SNX8: variants seen among roughly 807,000 people sequenced by gnomAD.
SNX8 encodes sorting nexin-8.
In SNX8, 25 loss-of-function variants were observed where a neutral mutation model predicts 51.6. That is an observed-to-expected ratio of 0.48 (90% CI 0.35 to 0.68). The LOEUF is 0.68. Among genes scored for constraint, SNX8 ranks in the 30% least tolerant of loss-of-function variants. SNX8 has a pLI of 0.00. For missense variants in SNX8, 695 were observed against 624.0 expected, an observed-to-expected ratio of 1.11 and a Z score of -1.21; for synonymous variants, 324 against 277.0, an observed-to-expected ratio of 1.17 and a Z score of -1.68.
chr7:2,276,936 C>A (rs1795794118), intron 2 of SNX8, among the ~76,000 whole-genome samples: 1 of 152,202 alleles, frequency 6.6e-6, no homozygotes, highest in Non-Finnish European at 1.5e-5. Flanking sequence ...CAGAGCAATA[C>A]CCTGTCTCTT....
chr7:2,309,911 G>C (rs1256976382), intron 1 of SNX8: 2 of 469,782 alleles, frequency 4.3e-6, no homozygotes, highest in African/African-American at 4.0e-5. Context: ...GGAGCCCCGA[G>C]GGTCAGCAAA....
At chr7:2,335,392 T>C (rs1325553397) in intron 1 of SNX8, among the ~76,000 whole-genome samples, 9 of 152,026 alleles carry the variant, frequency 5.9e-5, no homozygotes, top group South Asian at 2.1e-4. Flanking sequence ...CTCACGCCTG[T>C]AATCCCAGCA....
intron 1 of SNX8, among the ~76,000 whole-genome samples, chr7:2,305,495 C>G (rs1167129412): frequency 6.6e-6 from 1 of 152,000 alleles, no homozygotes; most frequent in African/African-American, 2.4e-5. Flanking sequence ...TCCCAAGTAG[C>G]TGGGATTACA....
intron 7 of SNX8, 61 bp from the exon 8 acceptor site, chr7:2,257,864 A>G (rs1795231002): frequency 6.7e-7 from 1 of 1,503,724 alleles, no homozygotes; most frequent in Non-Finnish European, 9.2e-7. Flanking sequence ...CCTGCCCGGG[A>G]ACTCAGACCC....
intron 5 of SNX8, among the ~76,000 whole-genome samples, chr7:2,268,474 C>A (rs1252755370): frequency 1.4e-5 from 2 of 142,706 alleles, no homozygotes; most frequent in Non-Finnish European, 3.1e-5. Context: ...CCCCGCCCGG[C>A]CAGCCGCCCC....
intron 1 of SNX8, among the ~76,000 whole-genome samples, chr7:2,351,868 AAAC>A (rs1280247794): frequency 6.6e-6 from 1 of 150,866 alleles, no homozygotes; most frequent in African/African-American, 2.4e-5. Flanking sequence ...ATAATAATAA[AAAC>A]AAAAAATCGA....
intron 7 of SNX8, among the ~76,000 whole-genome samples, chr7:2,262,632 G>A (rs955709048): frequency 6.6e-6 from 1 of 152,214 alleles, no homozygotes; most frequent in Non-Finnish European, 1.5e-5. Flanking sequence ...ATGCCTGGAA[G>A]CCCAAGATCA....
intron 1 of SNX8, among the ~76,000 whole-genome samples, chr7:2,349,547 C>A (rs751359661): frequency 6.6e-6 from 1 of 151,238 alleles, no homozygotes; most frequent in East Asian, 2.0e-4. Context: ...CATGTTCAAG[C>A]GATTCTCCTG....
chr7:2,321,817 A>C (rs12699833), intron 1 of SNX8, among the ~76,000 whole-genome samples: 2 of 148,850 alleles, frequency 1.3e-5, no homozygotes, highest in African/African-American at 5.0e-5. Context: ...TCTGCCTCCC[A>C]GGTTCAATCA....
intron 1 of SNX8, 70 bp downstream of exon 1, chr7:2,314,258 C>A: frequency 8.3e-7 from 1 of 1,209,244 alleles, no homozygotes; most frequent in Non-Finnish European, 1.0e-6. Context: ...GGCGGCTGAG[C>A]CCCGTCCGCC....
rs765912150 is a variant in SNX8 at position 2,257,752 on chromosome 7, G to A, written c.967C>T (p.Leu323=). ...AGACTCACCTTATAGGACTGCAGCA[G>A]ATCCAAGAAGAGGTTCAGCTTCTCC... is the stretch of plus-strand genomic sequence containing the variant. The part of the protein sequence containing the change: ...VVEKLNLFLD[L]LQSYKDLCER... Residue 323 remains leucine, a synonymous_variant, in exon 8 of 11, where the codon CTG becomes TTG. Coordinates refer to ENST00000222990, the MANE Select transcript of SNX8 (RefSeq NM_013321.4). 1.9e-6 allele frequency: 3 copies of A among 1,614,020 alleles called. No homozygotes were observed. Among genetic ancestry groups the A allele is most frequent in the Non-Finnish European group, 2.5e-6 (3 of 1,179,980 alleles).
At chr7:2,349,293 C>T (rs943459652) in intron 1 of SNX8, among the ~76,000 whole-genome samples, 3 of 151,032 alleles carry the variant, frequency 2.0e-5, no homozygotes, top group African/African-American at 4.9e-5. Context: ...CACGTTAAAG[C>T]ATATGGTATA....
intron 1 of SNX8, among the ~76,000 whole-genome samples, chr7:2,305,665 G>A (rs547485347): frequency 6.6e-6 from 1 of 152,000 alleles, no homozygotes; most frequent in South Asian, 2.1e-4. Flanking sequence ...TGCCCGGCCT[G>A]TATTGTATTA....
At chr7:2,317,254 T>C (rs1348102905), upstream of SNX8, among the ~76,000 whole-genome samples, 4 of 22,736 alleles carry the variant, frequency 1.8e-4, no homozygotes, top group South Asian at 2.6e-3. Flanking sequence ...GGACCTTCTT[T>C]TTTTTTTTTT....
At chr7:2,256,731 G>A (rs1390227774) in intron 10 of SNX8, 143 bp downstream of exon 10, 9 of 707,778 alleles carry the variant, frequency 1.3e-5, no homozygotes, top group Non-Finnish European at 1.8e-5. Context: ...GGCGAGCACC[G>A]TGTTCCAAGG....
chr7:2,285,009 G>C (rs61491879), intron 1 of SNX8, among the ~76,000 whole-genome samples: 1 of 151,480 alleles, frequency 6.6e-6, no homozygotes, highest in Non-Finnish European at 1.5e-5. Flanking sequence ...TCAGGAGATC[G>C]AGACCATCCT....
chr7:2,323,397 G>T lies in SNX8; in HGVS notation c.-66+30825C>A, dbSNP rs140922731. Among the ~76,000 whole-genome samples the T allele has an allele frequency of 5.1e-4, 77 of 151,286 alleles. 1 individual carries two copies. Among genetic ancestry groups the T allele is most frequent in the African/African-American group, 1.6e-3 (67 of 41,238 alleles). On this transcript the variant is annotated intron_variant, in intron 1 of 5. Coordinates refer to the SNX8 transcript ENST00000435336. ...AATAATGGGTAATGCATTGTTTAGC[G>T]TATCTTAGAAATACTAATAATGGCT...
At chr7:2,298,973 G>A (rs535602258) in intron 1 of SNX8, among the ~76,000 whole-genome samples, 5 of 152,106 alleles carry the variant, frequency 3.3e-5, no homozygotes, top group Non-Finnish European at 5.9e-5. Flanking sequence ...GATTACATGC[G>A]TGACCCACCA....
At chr7:2,270,812 G>A (rs1327114920) in intron 4 of SNX8, among the ~76,000 whole-genome samples, 1 of 152,124 alleles carries the variant, frequency 6.6e-6, no homozygotes, top group East Asian at 1.9e-4. Flanking sequence ...CTGGGAGAGG[G>A]GGTGTCTTCC....
Sources: gnomAD v4.1 joint callset for allele counts (sites outside exome capture counted in the v4.1 genomes callset) on GRCh38, gnomAD v4.1.1 for gene constraint, MANE v1.5 for transcripts, NCBI Gene and HGNC (gene_info 2026-07-23, HGNC 2026-07-21) for gene names.